ADAMTSL1: variants seen among roughly 807,000 people sequenced by gnomAD.
ADAMTSL1 encodes the protein ADAMTS-like protein 1.
Under a neutral mutation model 201.8 loss-of-function variants are expected in ADAMTSL1, and 126 were observed. The ratio of observed to expected loss-of-function variants is 0.62; its 90% CI spans 0.54 to 0.72. The LOEUF (loss-of-function observed/expected upper bound fraction) is 0.72, where lower values mean the gene tolerates loss of function less well. Among genes scored for constraint, ADAMTSL1 ranks in the 30% least tolerant of loss-of-function variants. The pLI is 0.00. For missense variants in ADAMTSL1, 2,679 were observed against 2,277.8 expected (o/e 1.18, Z -3.59); for synonymous variants, 1,121 against 903.4 (o/e 1.24, Z -4.32).
At chr9:18,602,624 C>T (rs113872555) in intron 4 of ADAMTSL1, among the ~76,000 whole-genome samples, 12 of 152,280 alleles carry the variant, frequency 7.9e-5, no homozygotes, top group African/African-American at 2.6e-4. Context: ...ATCAACCCTT[C>T]CCAGGTTGTT....
intron 23 of ADAMTSL1, among the ~76,000 whole-genome samples, chr9:18,835,364 A>C (rs1180316842): frequency 6.6e-6 from 1 of 152,132 alleles, no homozygotes; most frequent in Non-Finnish European, 1.5e-5. Flanking sequence ...TTTTGAATGT[A>C]AGTCTTTTAA....
At position 18,614,151 on chromosome 9, in the gene ADAMTSL1, T is replaced by C. The variant is rs16936903; in HGVS notation, c.475-8092T>C. ...AGGTCAGAGAGGTCGTTCACATAGA[T>C]GCTGTAGGACACTGTGGGCTGTTGT... On this transcript the variant is annotated intron_variant, in intron 4 of 28. Transcript: ENST00000380548. Among the ~76,000 whole-genome samples, 1,374 of 152,266 alleles carry C rather than the reference T, an allele frequency of 9.0e-3. 83 individuals are homozygous for C. In the East Asian group the frequency reaches 0.17, roughly 19 times the overall value.
At chr9:18,290,781 G>GTTTTTTTTTGTTTTTT (rs1587482001) in intron 2 of ADAMTSL1, among the ~76,000 whole-genome samples, 1 of 135,068 alleles carries the variant, frequency 7.4e-6, no homozygotes, top group Admixed American at 7.0e-5. Context: ...TTTTTTGTGT[G>GTTTTTTTTTGTTTTTT]TTTTTTTTTT....
intron 2 of ADAMTSL1, among the ~76,000 whole-genome samples, chr9:18,287,418 T>G (rs1251116998): frequency 6.6e-6 from 1 of 151,826 alleles, no homozygotes. Flanking sequence ...TATATTTATA[T>G]ATCTGTAATA....
chr9:18,461,783 C>T (rs925672504), intron 2 of ADAMTSL1, among the ~76,000 whole-genome samples: 1 of 152,104 alleles, frequency 6.6e-6, no homozygotes, highest in East Asian at 1.9e-4. Flanking sequence ...AAAGAAATAT[C>T]ATTTTGCTTC....
intron 2 of ADAMTSL1, among the ~76,000 whole-genome samples, chr9:18,315,607 G>A (rs978775282): frequency 5.3e-5 from 8 of 152,266 alleles, no homozygotes; most frequent in African/African-American, 1.4e-4. Context: ...CTCACTGCCC[G>A]GGCCGGCCGC....
intron 4 of ADAMTSL1, among the ~76,000 whole-genome samples, chr9:18,603,932 A>T (rs1009387156): frequency 3.9e-5 from 6 of 152,246 alleles, no homozygotes; most frequent in Admixed American, 3.3e-4. Context: ...ATCTCTCAGC[A>T]AGGCAATCTT....
At chr9:18,537,732 A>G (rs890862014) in intron 3 of ADAMTSL1, among the ~76,000 whole-genome samples, 1 of 151,764 alleles carries the variant, frequency 6.6e-6, no homozygotes, top group African/African-American at 2.4e-5. Flanking sequence ...ACCAAATATT[A>G]GCATGCTGGT....
chr9:18,322,493 C>T lies in ADAMTSL1; in HGVS notation c.207+158512C>T, dbSNP rs534906705. On this transcript the variant is annotated intron_variant, in intron 2 of 29. Coordinates refer to the ADAMTSL1 transcript ENST00000680146. ...ACTAAAAGTACAAAAATTAGCCAAA[C>T]GTGGTGGTGGGCACCTAGAATCTCA... Among the ~76,000 whole-genome samples, 8 of 152,092 alleles carry T rather than the reference C, an allele frequency of 5.3e-5. No individual in the cohort carries two copies. The East Asian group carries it at 1.2e-3, about 22-fold the overall frequency.
At chr9:18,149,863 A>G (rs976404843) in intron 1 of ADAMTSL1, among the ~76,000 whole-genome samples, 1 of 152,054 alleles carries the variant, frequency 6.6e-6, no homozygotes, top group African/African-American at 2.4e-5. Flanking sequence ...TTCAGGAGGC[A>G]GCAGGGCTAG....
intron 2 of ADAMTSL1, among the ~76,000 whole-genome samples, chr9:18,208,273 G>A (rs903396178): frequency 6.6e-6 from 1 of 152,162 alleles, no homozygotes; most frequent in Non-Finnish European, 1.5e-5. Context: ...TGAGTCCCAA[G>A]TGGCAGTTTC....
At chr9:18,056,727 G>C (rs1586958737) in intron 1 of ADAMTSL1, among the ~76,000 whole-genome samples, 1 of 152,162 alleles carries the variant, frequency 6.6e-6, no homozygotes, top group South Asian at 2.1e-4. Flanking sequence ...AGACCCTTCA[G>C]GTAGAACCTC....
intron 2 of ADAMTSL1, among the ~76,000 whole-genome samples, chr9:18,172,314 G>T (rs1827935263): frequency 6.6e-6 from 1 of 151,908 alleles, no homozygotes; most frequent in Non-Finnish European, 1.5e-5. Context: ...TTAAAAAGAT[G>T]AACAGCCCAA....
At chr9:18,243,275 A>G (rs550452019) in intron 2 of ADAMTSL1, among the ~76,000 whole-genome samples, 105 of 152,032 alleles carry the variant, frequency 6.9e-4, no homozygotes, top group Non-Finnish European at 1.3e-3. Context: ...TGGTTGCCAC[A>G]TTCCTTCTCT....
chr9:18,731,745 G>A (rs1818228957), intron 15 of ADAMTSL1, among the ~76,000 whole-genome samples: 1 of 152,184 alleles, frequency 6.6e-6, no homozygotes, highest in African/African-American at 2.4e-5. Flanking sequence ...CAGAGCAGGG[G>A]TAGCATGGGC....
intron 2 of ADAMTSL1, among the ~76,000 whole-genome samples, chr9:18,248,954 C>T (rs557489319): frequency 1.3e-5 from 2 of 152,192 alleles, no homozygotes; most frequent in South Asian, 4.2e-4. Context: ...AATGTAGCAC[C>T]GTTCTGTACC....
chr9:18,190,096 A>C (rs891253717), intron 2 of ADAMTSL1, among the ~76,000 whole-genome samples: 1 of 152,236 alleles, frequency 6.6e-6, no homozygotes. Context: ...AGCACTGCAC[A>C]TTGCATAATG....
In ADAMTSL1 at chr9:18,462,618, G is replaced by A. The variant is rs534997401; in HGVS notation, c.208-42211G>A. Among the ~76,000 whole-genome samples the A allele has an allele frequency of 5.3e-5, 8 of 152,190 alleles. No homozygotes were observed. The East Asian group carries it at 1.4e-3, about 26-fold the overall frequency. ...AAGGAAATTTTAAGATGATATATGA[G>A]CAATCAAAAGGATTTAATCAGTAGA... On this transcript the variant is annotated intron_variant, in intron 2 of 29. Transcript: ENST00000680146.
intron 16 of ADAMTSL1, among the ~76,000 whole-genome samples, chr9:18,757,799 C>G (rs915155912): frequency 9.2e-5 from 14 of 152,304 alleles, no homozygotes; most frequent in African/African-American, 3.4e-4. Context: ...GACCAAGTCT[C>G]AGACCCCATA....
Sources: allele counts gnomAD v4.1 joint callset (sites outside exome capture counted in the v4.1 genomes callset), GRCh38; gene constraint gnomAD v4.1.1; transcripts MANE v1.5; gene names NCBI Gene and HGNC (gene_info 2026-07-23, HGNC 2026-07-21).